The following FERMT2 variants were observed in gnomAD, a reference collection of about 807,000 sequenced individuals.
The protein encoded by FERMT2 is fermitin family homolog 2.
In FERMT2, 15 loss-of-function variants were observed where a neutral mutation model predicts 82.7. That is an observed-to-expected ratio of 0.18 (90% CI 0.12 to 0.28). The LOEUF (loss-of-function observed/expected upper bound fraction) is 0.28, where lower values mean the gene tolerates loss of function less well. FERMT2 is among the 10% of genes least tolerant of loss of function. FERMT2 has a pLI of 1.00. For synonymous variants in FERMT2, 274 were observed against 271.5 expected (o/e 1.01, Z -0.09); for missense variants, 645 against 809.4 (o/e 0.80, Z 2.46).
chr14:52,878,316 G>GAGGATAATTTTTTTCCTACAAAAT (rs1237828752), intron 7 of FERMT2, among the ~76,000 whole-genome samples: 1 of 152,130 alleles, frequency 6.6e-6, no homozygotes, highest in Non-Finnish European at 1.5e-5. Context: ...TTGGGGGTGA[G>GAGGATAATTTTTTTCCTACAAAAT]AGGATAATTT....
intron 7 of FERMT2, among the ~76,000 whole-genome samples, chr14:52,878,364 T>C (rs926071222): frequency 6.6e-6 from 1 of 152,136 alleles, no homozygotes; most frequent in African/African-American, 2.4e-5. Context: ...TCCTACAAAA[T>C]AGAGAAAAGT....
At chr14:52,943,049 T>C (rs1021064831) in intron 2 of FERMT2, among the ~76,000 whole-genome samples, 3 of 151,352 alleles carry the variant, frequency 2.0e-5, no homozygotes, top group African/African-American at 4.9e-5. Context: ...CCCATCTCTA[T>C]TAAAAATACA....
At position 52,858,372 on chromosome 14, in the gene FERMT2, C is replaced by CTATTCACACTATTT. The variant is rs768341511; in HGVS notation, c.*4_*5insAAATAGTGTGAATA. The CTATTCACACTATTT allele has an allele frequency of 3.4e-5, 55 of 1,612,338 alleles. No homozygotes were observed. The highest frequency in any genetic ancestry group is 4.1e-5 in the Non-Finnish European group (48 of 1,178,600). On this transcript the variant is annotated 3_prime_UTR_variant, in exon 15 of 15. Coordinates refer to ENST00000341590, the MANE Select transcript of FERMT2 (RefSeq NM_006832.3). Reference sequence around the variant, plus strand: ...CCGTGGAGTTTCATTAAACAGTATTCCTATTCACACCCAACCACTGGTAAG... The same window carrying CTATTCACACTATTT: ...CCGTGGAGTTTCATTAAACAGTATTCTATTCACACTATTTCTATTCACACCCAACCACTGGTAAG...
chr14:52,942,555 G>C (rs1890142606), intron 2 of FERMT2, among the ~76,000 whole-genome samples: 1 of 151,758 alleles, frequency 6.6e-6, no homozygotes, highest in Admixed American at 6.6e-5. Context: ...ACCTGCCTCG[G>C]CCTCCCAAAG....
chr14:52,911,637 T>C (rs974681770), intron 3 of FERMT2, among the ~76,000 whole-genome samples: 4 of 146,660 alleles, frequency 2.7e-5, no homozygotes, highest in Admixed American at 6.9e-5. Flanking sequence ...GGTGACAGAG[T>C]GAGATTCCAT....
At position 52,858,180 on chromosome 14, in the gene FERMT2, C is replaced by T. The variant is rs953383588; in HGVS notation, c.*197G>A. On this transcript the variant is annotated 3_prime_UTR_variant, in exon 15 of 15. Coordinates refer to ENST00000341590, the MANE Select transcript of FERMT2 (RefSeq NM_006832.3). ...GGCCCTAAGGAATGTGTGACAAATT[C>T]AAGTTTATTATATCATAACATGATA... 1.5e-4 allele frequency: 79 copies of T among 515,850 alleles called. No individual in the cohort carries two copies. The highest frequency in any genetic ancestry group is 2.4e-4 in the Non-Finnish European group (69 of 290,440). The allele number at this position is 515,850 out of a possible 1,614,324, so 32.0% of individuals were successfully genotyped here.
chr14:52,899,685 G>A (rs1887509367), intron 3 of FERMT2, among the ~76,000 whole-genome samples: 1 of 152,184 alleles, frequency 6.6e-6, no homozygotes, highest in South Asian at 2.1e-4. Context: ...GAACTGGGTA[G>A]CCATTGGCTG....
chr14:52,901,334 T>C (rs1172755354), intron 3 of FERMT2, among the ~76,000 whole-genome samples: 1 of 145,600 alleles, frequency 6.9e-6, no homozygotes, highest in Non-Finnish European at 1.5e-5. Flanking sequence ...AGCCAGCCAA[T>C]GATTACTAGA....
chr14:52,899,129 C>T (rs1887469132), intron 3 of FERMT2, among the ~76,000 whole-genome samples: 1 of 151,952 alleles, frequency 6.6e-6, no homozygotes. Flanking sequence ...TAAAGCAGTT[C>T]TTAACTAGAT....
At chr14:52,932,099 CG>C (rs1325193397) in intron 2 of FERMT2, among the ~76,000 whole-genome samples, 1 of 152,086 alleles carries the variant, frequency 6.6e-6, no homozygotes, top group African/African-American at 2.4e-5. Flanking sequence ...GATGAGAAAA[CG>C]GGGGGTGGAG....
chr14:52,884,602 A>C (rs186354210), intron 4 of FERMT2, among the ~76,000 whole-genome samples: 219 of 152,216 alleles, frequency 1.4e-3, no homozygotes, highest in African/African-American at 4.7e-3. Flanking sequence ...ACTCCGTCTC[A>C]AAAACAACAA....
chr14:52,884,374 G>A (rs1886467388), intron 4 of FERMT2, among the ~76,000 whole-genome samples: 1 of 152,128 alleles, frequency 6.6e-6, no homozygotes, highest in Non-Finnish European at 1.5e-5. Flanking sequence ...AGCCAAGGTG[G>A]GCAGACTGCC....
chr14:52,927,849 A>G (rs1303007624), intron 2 of FERMT2, among the ~76,000 whole-genome samples: 3 of 152,110 alleles, frequency 2.0e-5, no homozygotes, highest in Admixed American at 6.5e-5. Context: ...ACTTTTTGAG[A>G]TAATATTCAG....
intron 2 of FERMT2, among the ~76,000 whole-genome samples, chr14:52,945,195 G>A (rs1002203400): frequency 5.9e-5 from 9 of 151,936 alleles, no homozygotes; most frequent in Non-Finnish European, 1.0e-4. Flanking sequence ...ACAGGCGTAA[G>A]TTACCGCACC....
At chr14:52,942,296 TTTTC>T (rs1407688281) in intron 2 of FERMT2, among the ~76,000 whole-genome samples, 3 of 126,460 alleles carry the variant, frequency 2.4e-5, no homozygotes, top group African/African-American at 5.8e-5. Context: ...GAGAAAATGT[TTTTC>T]TTTTTCTTTT....
At chr14:52,914,280 G>A (rs1001598662) in intron 3 of FERMT2, among the ~76,000 whole-genome samples, 9 of 151,946 alleles carry the variant, frequency 5.9e-5, no homozygotes, top group Admixed American at 3.9e-4. Context: ...TGAGGCAGGA[G>A]GACTATTTGA....
intron 2 of FERMT2, among the ~76,000 whole-genome samples, chr14:52,924,325 C>T (rs140380670): frequency 2.0e-4 from 31 of 152,226 alleles, no homozygotes; most frequent in African/African-American, 6.3e-4. Flanking sequence ...AGTTTTCTGC[C>T]TGATTGGCAT....
At chr14:52,913,200 T>A (rs767264403) in intron 3 of FERMT2, among the ~76,000 whole-genome samples, 42 of 152,156 alleles carry the variant, frequency 2.8e-4, no homozygotes, top group Non-Finnish European at 5.6e-4. Context: ...TACCTCTGAG[T>A]ATATCTTTAG....
At chr14:52,893,239 A>C in intron 4 of FERMT2, 54 bp downstream of exon 4, 2 of 1,478,638 alleles carry the variant, frequency 1.4e-6, no homozygotes, top group South Asian at 1.4e-5. Context: ...AGAAAGACAA[A>C]GGTACACAGT....
Sources: allele counts gnomAD v4.1 joint callset (sites outside exome capture counted in the v4.1 genomes callset), GRCh38; gene constraint gnomAD v4.1.1; transcripts MANE v1.5; gene names NCBI Gene and HGNC (gene_info 2026-07-23, HGNC 2026-07-21).